TMEM131: variants seen among roughly 807,000 people sequenced by gnomAD.
The protein encoded by TMEM131 is transmembrane protein 131.
In TMEM131, 66 loss-of-function variants were observed where a neutral mutation model predicts 211.6. The observed-to-expected ratio is 0.31, with a 90% CI of 0.26 to 0.38. The LOEUF (loss-of-function observed/expected upper bound fraction) is 0.38, where lower values mean the gene tolerates loss of function less well. Ranked by LOEUF, TMEM131 falls within the 10% of genes least tolerant of loss-of-function variation. The probability of loss-of-function intolerance (pLI) is 1.00; values close to 1 mark genes in which losing one functional copy is unlikely to be tolerated. For synonymous variants in TMEM131, 844 were observed against 841.3 expected (o/e 1.00, Z -0.06); for missense variants, 2,036 against 2,299.3 (o/e 0.89, Z 2.34).
intron 1 of TMEM131, among the ~76,000 whole-genome samples, chr2:97,989,277 C>T (rs79009315): frequency 9.6e-6 from 1 of 103,846 alleles, no homozygotes; most frequent in African/African-American, 3.3e-5. Flanking sequence ...AAAAACAAAA[C>T]AAAAAAAAAA....
At chr2:97,808,045 A>T (rs917825890) in intron 19 of TMEM131, among the ~76,000 whole-genome samples, 2 of 152,134 alleles carry the variant, frequency 1.3e-5, no homozygotes. Context: ...GAATATTTAC[A>T]TATATATAAT....
intron 4 of TMEM131, among the ~76,000 whole-genome samples, chr2:97,873,877 G>A (rs200568990): frequency 2.6e-5 from 4 of 152,172 alleles, no homozygotes; most frequent in East Asian, 3.9e-4. Context: ...TGAGTTTGAC[G>A]AACTGACAGA....
chr2:97,851,431 GTTGGGTGTATCTTCAAA>G (rs1288183990), intron 5 of TMEM131, among the ~76,000 whole-genome samples: 1 of 152,134 alleles, frequency 6.6e-6, no homozygotes, highest in Non-Finnish European at 1.5e-5. Context: ...AGGAAATCCT[GTTGGGTGTATCTTCAAA>G]ACATACAGCA....
At chr2:97,884,706 T>C (rs1254182845) in intron 4 of TMEM131, among the ~76,000 whole-genome samples, 3 of 152,242 alleles carry the variant, frequency 2.0e-5, no homozygotes. Flanking sequence ...TTTTACTTGA[T>C]GTCTGTTTGG....
Position 97,766,426 on chromosome 2 carries a change from G to A in TMEM131, c.4573+52C>T, listed in dbSNP as rs1679170150. ...AATGCACAACAATTGTTAATACGGT[G>A]CACTATGAAAAGATCCGTAAGACAT... On this transcript the variant is annotated intron_variant, in intron 34 of 40. Transcript: ENST00000186436. 5.6e-6 allele frequency: 9 copies of A among 1,612,332 alleles called. No homozygotes were observed. The South Asian group carries it at 9.9e-5, about 18-fold the overall frequency.
At chr2:97,894,717 T>G (rs897913890) in intron 3 of TMEM131, among the ~76,000 whole-genome samples, 12 of 152,208 alleles carry the variant, frequency 7.9e-5, no homozygotes, top group African/African-American at 2.9e-4. Context: ...TTTTGCACAG[T>G]GAAGTATCCT....
At chr2:97,938,646 A>G (rs1677563443) in intron 1 of TMEM131, among the ~76,000 whole-genome samples, 1 of 152,178 alleles carries the variant, frequency 6.6e-6, no homozygotes, top group Non-Finnish European at 1.5e-5. Flanking sequence ...AAGGATATCC[A>G]GGAATTGAAC....
chr2:97,906,411 C>T (rs1417369467), intron 3 of TMEM131, among the ~76,000 whole-genome samples: 5 of 152,206 alleles, frequency 3.3e-5, no homozygotes, highest in Admixed American at 2.6e-4. Context: ...TGTCTACAAA[C>T]CTAATATTCC....
At chr2:97,981,253 T>C (rs116552083) in intron 1 of TMEM131, among the ~76,000 whole-genome samples, 1,816 of 152,140 alleles carry the variant, frequency 0.012, 38 homozygotes, top group African/African-American at 0.041. Context: ...TAGGGGCATT[T>C]AGGTCATTTC....
chr2:97,938,759 A>C (rs1677570186), intron 1 of TMEM131, among the ~76,000 whole-genome samples: 2 of 152,240 alleles, frequency 1.3e-5, no homozygotes, highest in Admixed American at 1.3e-4. Flanking sequence ...TTATTCCAAA[A>C]TTGACCACAT....
chr2:97,985,729 G>C (rs886379502), intron 1 of TMEM131, among the ~76,000 whole-genome samples: 4 of 151,752 alleles, frequency 2.6e-5, no homozygotes, highest in African/African-American at 9.7e-5. Context: ...ATAGATCCCA[G>C]TACATAACAG....
intron 1 of TMEM131, among the ~76,000 whole-genome samples, chr2:97,951,133 G>GT: frequency 6.6e-6 from 1 of 152,086 alleles, no homozygotes; most frequent in African/African-American, 2.4e-5. Context: ...CAGACATATT[G>GT]TAACAGGAAA....
At chr2:97,797,231 T>G (rs1680811685) in intron 26 of TMEM131, 134 bp downstream of exon 26, 1 of 920,126 alleles carries the variant, frequency 1.1e-6, no homozygotes, top group South Asian at 1.7e-5. Flanking sequence ...TCATCAGGCA[T>G]GGAGTGTGTG....
At chr2:97,890,156 T>C (rs1675321391) in intron 3 of TMEM131, among the ~76,000 whole-genome samples, 1 of 152,188 alleles carries the variant, frequency 6.6e-6, no homozygotes, top group Admixed American at 6.5e-5. Flanking sequence ...GAGTATAGAT[T>C]ATTCAAAGTG....
chr2:97,987,964 A>C lies in TMEM131; in HGVS notation c.187+7512T>G, dbSNP rs1205768506. On this transcript the variant is annotated intron_variant, in intron 1 of 40. Coordinates refer to ENST00000186436, the MANE Select transcript of TMEM131 (RefSeq NM_015348.2). ...GGCAAGTAGAAAAGTGCATCCTAAA[A>C]TTCATACAGAATCTCAAGGGACCCC... Among the ~76,000 whole-genome samples the C allele has an allele frequency of 5.9e-5, 9 of 152,330 alleles. No individual in the cohort carries two copies. In the East Asian group the frequency reaches 1.7e-3, roughly 29 times the overall value.
intron 4 of TMEM131, among the ~76,000 whole-genome samples, chr2:97,875,216 C>A (rs952926223): frequency 1.3e-5 from 2 of 152,172 alleles, no homozygotes; most frequent in African/African-American, 2.4e-5. Flanking sequence ...ATTCATAAAG[C>A]AAGTTCTTAG....
intron 11 of TMEM131, among the ~76,000 whole-genome samples, chr2:97,820,518 C>G (rs1483018261): frequency 6.6e-6 from 1 of 152,138 alleles, no homozygotes; most frequent in Non-Finnish European, 1.5e-5. Flanking sequence ...GAGATGTGAG[C>G]TTGAGTCAGC....
intron 2 of TMEM131, among the ~76,000 whole-genome samples, chr2:97,922,498 A>G (rs1280140078): frequency 6.6e-6 from 1 of 152,236 alleles, no homozygotes; most frequent in Non-Finnish European, 1.5e-5. Flanking sequence ...ATAATACATA[A>G]ATTGGGGCAT....
At chr2:97,991,760 A>G (rs1680277891) in intron 1 of TMEM131, among the ~76,000 whole-genome samples, 1 of 152,264 alleles carries the variant, frequency 6.6e-6, no homozygotes, top group East Asian at 1.9e-4. Flanking sequence ...CTTGAGTCAC[A>G]TATAGGCAAG....
Sources: allele counts gnomAD v4.1 joint callset (sites outside exome capture counted in the v4.1 genomes callset), GRCh38; gene constraint gnomAD v4.1.1; transcripts MANE v1.5; gene names NCBI Gene and HGNC (gene_info 2026-07-23, HGNC 2026-07-21).